The following TENM3 variants were observed in gnomAD, a reference collection of about 807,000 sequenced individuals.
TENM3 encodes teneurin-3.
Under a neutral mutation model 255.1 loss-of-function variants are expected in TENM3, and 63 were observed. That is an observed-to-expected ratio of 0.25 (90% CI 0.20 to 0.30). The LOEUF is 0.30. Among genes scored for constraint, TENM3 ranks in the 10% least tolerant of loss-of-function variants. TENM3 has a pLI of 1.00. For synonymous variants in TENM3, 1,306 were observed against 1,322.3 expected (o/e 0.99, Z 0.27); for missense variants, 2,929 against 3,461.1 (o/e 0.85, Z 3.86).
chr4:182,533,771 G>A (rs919405436), intron 3 of TENM3, among the ~76,000 whole-genome samples: 1 of 151,970 alleles, frequency 6.6e-6, no homozygotes, highest in Middle Eastern at 3.2e-3. Context: ...AAAATTAGCT[G>A]GGTGTGGTGG....
At chr4:182,519,956 ATTGT>A (rs1738394747) in intron 3 of TENM3, among the ~76,000 whole-genome samples, 1 of 152,048 alleles carries the variant, frequency 6.6e-6, no homozygotes, top group African/African-American at 2.4e-5. Context: ...TGTTTATAGG[ATTGT>A]TTGTAATTTT....
the TENM3 span, among the ~76,000 whole-genome samples, chr4:181,639,948 A>G: frequency 6.6e-6 from 1 of 152,170 alleles, no homozygotes; most frequent in Non-Finnish European, 1.5e-5. Context: ...TGCCGTTTAC[A>G]ATGCCGTGTC....
intron 24 of TENM3, among the ~76,000 whole-genome samples, chr4:182,782,242 C>T (rs375417310): frequency 1.1e-5 from 1 of 92,182 alleles, no homozygotes; most frequent in Non-Finnish European, 2.0e-5. Context: ...CCCAGAGATT[C>T]TGGTATGTTG....
intron 10 of TENM3, 83 bp downstream of exon 10, chr4:182,680,820 C>G (rs1346825922): frequency 9.5e-7 from 1 of 1,054,164 alleles, no homozygotes; most frequent in East Asian, 3.0e-5. Context: ...TTGGGCAGAT[C>G]TCTTTTATAC....
At chr4:182,170,597 A>C (rs1194885659) in intron 1 of TENM3, among the ~76,000 whole-genome samples, 1 of 141,434 alleles carries the variant, frequency 7.1e-6, no homozygotes, top group African/African-American at 2.6e-5. Flanking sequence ...GATGTAATAA[A>C]ATTTAATTAG....
At chr4:181,674,070 A>G in the TENM3 span, among the ~76,000 whole-genome samples, 1 of 152,232 alleles carries the variant, frequency 6.6e-6, no homozygotes, top group South Asian at 2.1e-4. Flanking sequence ...ATCACAGCTC[A>G]CTGCAACCTC....
the TENM3 span, among the ~76,000 whole-genome samples, chr4:182,138,396 T>C: frequency 1.3e-5 from 2 of 152,130 alleles, no homozygotes; most frequent in African/African-American, 4.8e-5. Context: ...ATGTCGAAAA[T>C]CCTCAAATGT....
chr4:181,942,145 G>A, the TENM3 span, among the ~76,000 whole-genome samples: 1 of 152,072 alleles, frequency 6.6e-6, no homozygotes, highest in Admixed American at 6.6e-5. Flanking sequence ...CCTAATCTCT[G>A]CGTGCCAACT....
At chr4:181,606,918 G>A in the TENM3 span, among the ~76,000 whole-genome samples, 1 of 152,136 alleles carries the variant, frequency 6.6e-6, no homozygotes, top group East Asian at 1.9e-4. Context: ...GGTAGAATCA[G>A]CTCCACTTAC....
intron 5 of TENM3, among the ~76,000 whole-genome samples, chr4:182,651,374 T>C (rs34341501): frequency 0.3 from 44,998 of 152,040 alleles, 7,740 homozygotes; most frequent in Non-Finnish European, 0.4. Flanking sequence ...AAGAATCCTA[T>C]AACCTATATC....
the TENM3 span, among the ~76,000 whole-genome samples, chr4:182,075,852 A>AT: frequency 6.6e-6 from 1 of 152,106 alleles, no homozygotes; most frequent in Non-Finnish European, 1.5e-5. Flanking sequence ...AATTTTATGC[A>AT]TTTTCCCCTC....
chr4:182,381,197 CAG>C (rs1176775257), intron 3 of TENM3, among the ~76,000 whole-genome samples: 1 of 152,194 alleles, frequency 6.6e-6, no homozygotes, highest in Non-Finnish European at 1.5e-5. Flanking sequence ...GATCCCCCGA[CAG>C]GGGGAAGTCA....
At chr4:181,598,265 G>A in the TENM3 span, among the ~76,000 whole-genome samples, 1 of 152,232 alleles carries the variant, frequency 6.6e-6, no homozygotes, top group South Asian at 2.1e-4. Flanking sequence ...ATATCCCATA[G>A]TATTTCTCTA....
intron 24 of TENM3, among the ~76,000 whole-genome samples, chr4:182,777,511 ATG>A (rs150202066): frequency 0.049 from 4,871 of 99,730 alleles, 129 homozygotes; most frequent in Non-Finnish European, 0.051. Context: ...TAATGTGTTT[ATG>A]TGTGTGTGTG....
At chr4:182,331,056 G>A (rs1391777687) in intron 2 of TENM3, among the ~76,000 whole-genome samples, 2 of 152,062 alleles carry the variant, frequency 1.3e-5, no homozygotes, top group African/African-American at 4.8e-5. Context: ...GGAGTGGGAA[G>A]GTAATCATTA....
intron 3 of TENM3, among the ~76,000 whole-genome samples, chr4:182,418,954 T>C (rs1417341343): frequency 6.6e-6 from 1 of 152,110 alleles, no homozygotes; most frequent in Non-Finnish European, 1.5e-5. Context: ...GCACGTTCCG[T>C]CCTTAGGGTT....
the TENM3 span, among the ~76,000 whole-genome samples, chr4:181,705,940 G>T: frequency 6.6e-6 from 1 of 152,114 alleles, no homozygotes; most frequent in Non-Finnish European, 1.5e-5. Context: ...GGCAACAAGA[G>T]CAAAACTCCA....
the TENM3 span, among the ~76,000 whole-genome samples, chr4:182,129,490 AT>A: frequency 6.6e-6 from 1 of 152,182 alleles, no homozygotes; most frequent in African/African-American, 2.4e-5. Flanking sequence ...AGTAACTGAA[AT>A]TATTAAACAT....
At chr4:181,806,891 A>AT in the TENM3 span, among the ~76,000 whole-genome samples, 1 of 152,146 alleles carries the variant, frequency 6.6e-6, no homozygotes, top group Non-Finnish European at 1.5e-5. Flanking sequence ...TAACTGATTC[A>AT]TTTTTGTGTA....
Sources: allele counts gnomAD v4.1 joint callset (sites outside exome capture counted in the v4.1 genomes callset), GRCh38; gene constraint gnomAD v4.1.1; transcripts MANE v1.5; gene names NCBI Gene and HGNC (gene_info 2026-07-23, HGNC 2026-07-21).